NUBPL: variants seen among roughly 807,000 people sequenced by gnomAD.
NUBPL encodes the protein NUBP iron-sulfur cluster assembly factor, mitochondrial.
NUBPL carries 31 observed loss-of-function variants against 45.7 expected under a neutral mutation model. The observed-to-expected ratio is 0.68, with a 90% CI of 0.51 to 0.92. The LOEUF is 0.92. Among genes scored for constraint, NUBPL ranks in the 40% least tolerant of loss-of-function variants. The pLI, the probability that NUBPL is intolerant of heterozygous loss-of-function variation, is 0.00. For missense variants in NUBPL, 401 were observed against 398.7 expected, an observed-to-expected ratio of 1.01 and a Z score of -0.05; for synonymous variants, 144 against 140.9, an observed-to-expected ratio of 1.02 and a Z score of -0.15.
chr14:31,769,150 A>T (rs1471288418), intron 6 of NUBPL, among the ~76,000 whole-genome samples: 1 of 152,198 alleles, frequency 6.6e-6, no homozygotes, highest in Non-Finnish European at 1.5e-5. Context: ...TATGGGCTAC[A>T]GTGTCCGGCG....
At chr14:31,587,864 A>G (rs2139515106) in intron 3 of NUBPL, among the ~76,000 whole-genome samples, 1 of 152,320 alleles carries the variant, frequency 6.6e-6, no homozygotes, top group African/African-American at 2.4e-5. Flanking sequence ...CACATTAAGG[A>G]TCATTTTGTT....
At chr14:31,775,637 G>T (rs905723740) in intron 6 of NUBPL, among the ~76,000 whole-genome samples, 1 of 152,124 alleles carries the variant, frequency 6.6e-6, no homozygotes, top group African/African-American at 2.4e-5. Context: ...TCATTATGCT[G>T]TCTATATCCT....
At chr14:31,666,366 A>G (rs551067024) in intron 4 of NUBPL, among the ~76,000 whole-genome samples, 3 of 151,144 alleles carry the variant, frequency 2.0e-5, no homozygotes, top group Non-Finnish European at 4.4e-5. Context: ...CCGGGTTCAA[A>G]CAATTCTTCT....
chr14:31,798,309 T>TC (rs1310122221), intron 7 of NUBPL, among the ~76,000 whole-genome samples: 5 of 150,200 alleles, frequency 3.3e-5, no homozygotes, highest in Non-Finnish European at 5.9e-5. Flanking sequence ...TATGGTTTTT[T>TC]TTTTTTTTTT....
chr14:31,583,229 C>A (rs1382732334), intron 3 of NUBPL, among the ~76,000 whole-genome samples: 2 of 152,120 alleles, frequency 1.3e-5, no homozygotes, highest in African/African-American at 4.8e-5. Context: ...ATTGCTGAGG[C>A]TCATGTAGCA....
rs979932612 is a variant in NUBPL at position 31,782,277 on chromosome 14, C to G, written c.514-5503C>G. 2.6e-5 allele frequency among the ~76,000 whole-genome samples: 4 copies of G among 152,092 alleles called. No homozygotes were observed. In the East Asian group the frequency reaches 7.7e-4, roughly 29 times the overall value. ...GGGCATGGTGGTGGGTGCCTGAAAT[C>G]TCAGCTACTCAGGAGGCTGAGACCG... is the stretch of plus-strand genomic sequence containing the variant. On this transcript the variant is annotated intron_variant, in intron 6 of 10. Transcript: ENST00000281081.
intron 3 of NUBPL, among the ~76,000 whole-genome samples, chr14:31,582,512 G>A (rs867954389): frequency 5.9e-5 from 9 of 151,970 alleles, no homozygotes; most frequent in African/African-American, 2.2e-4. Context: ...GGGGGTGGAG[G>A]AAATATTTGG....
intron 4 of NUBPL, among the ~76,000 whole-genome samples, chr14:31,650,414 G>A (rs926122114): frequency 2.0e-5 from 3 of 150,784 alleles, no homozygotes; most frequent in Non-Finnish European, 3.0e-5. Flanking sequence ...CTCAGCCTCC[G>A]AGGTAGCTGG....
intron 8 of NUBPL, chr14:31,844,109 A>G (rs959837060): frequency 1.3e-5 from 2 of 152,240 alleles, no homozygotes; most frequent in African/African-American, 2.4e-5. Context: ...TATACAGTCC[A>G]TAGAGAATGA....
chr14:31,720,254 A>C (rs923526831), intron 6 of NUBPL, among the ~76,000 whole-genome samples: 5 of 152,176 alleles, frequency 3.3e-5, no homozygotes, highest in Non-Finnish European at 7.3e-5. Flanking sequence ...TTCGTCATCT[A>C]ACTTGGAGTA....
At chr14:31,660,048 C>CCATA (rs2036231723) in intron 4 of NUBPL, among the ~76,000 whole-genome samples, 1 of 152,104 alleles carries the variant, frequency 6.6e-6, no homozygotes, top group Non-Finnish European at 1.5e-5. Flanking sequence ...GTAATAGAAG[C>CCATA]CATAACATTA....
chr14:31,807,573 G>T (rs1034591882), intron 7 of NUBPL, among the ~76,000 whole-genome samples: 2 of 152,122 alleles, frequency 1.3e-5, no homozygotes, highest in Admixed American at 6.5e-5. Flanking sequence ...TCTGTAGGTT[G>T]CCTGTTCACT....
intron 6 of NUBPL, among the ~76,000 whole-genome samples, chr14:31,716,541 C>T (rs2037692595): frequency 6.6e-6 from 1 of 152,176 alleles, no homozygotes; most frequent in African/African-American, 2.4e-5. Context: ...TCTTAAGGGA[C>T]CATTGCCTAT....
At chr14:31,579,300 G>T (rs557147935) in intron 3 of NUBPL, among the ~76,000 whole-genome samples, 1 of 152,266 alleles carries the variant, frequency 6.6e-6, no homozygotes, top group East Asian at 1.9e-4. Context: ...CTTTAAAAAT[G>T]ATTAAAAATA....
chr14:31,646,779 T>A (rs187945677), intron 4 of NUBPL, among the ~76,000 whole-genome samples: 93 of 152,120 alleles, frequency 6.1e-4, no homozygotes, highest in Non-Finnish European at 9.1e-4. Context: ...TTTAATTTTT[T>A]AAAAAAATAA....
intron 7 of NUBPL, among the ~76,000 whole-genome samples, chr14:31,814,287 A>G (rs780673880): frequency 2.6e-5 from 4 of 152,156 alleles, no homozygotes; most frequent in Non-Finnish European, 4.4e-5. Context: ...ATGACCAGTG[A>G]TGTTGAGCTT....
At chr14:31,704,106 G>T (rs982121502) in intron 6 of NUBPL, among the ~76,000 whole-genome samples, 1 of 152,158 alleles carries the variant, frequency 6.6e-6, no homozygotes, top group African/African-American at 2.4e-5. Flanking sequence ...TTCTGTAACT[G>T]CTTTCTGCTG....
chr14:31,614,457 G>T (rs753206075), intron 4 of NUBPL, among the ~76,000 whole-genome samples: 3 of 152,048 alleles, frequency 2.0e-5, no homozygotes, highest in African/African-American at 7.2e-5. Flanking sequence ...GGGTGAAAAA[G>T]GTTATACACA....
At chr14:31,745,229 G>T (rs2038372347) in intron 6 of NUBPL, among the ~76,000 whole-genome samples, 1 of 151,904 alleles carries the variant, frequency 6.6e-6, no homozygotes, top group Admixed American at 6.6e-5. Context: ...AGGCCCTGGT[G>T]TGTGATGTTC....
Sources: gnomAD v4.1 joint callset for allele counts (sites outside exome capture counted in the v4.1 genomes callset) on GRCh38, gnomAD v4.1.1 for gene constraint, MANE v1.5 for transcripts, NCBI Gene and HGNC (gene_info 2026-07-23, HGNC 2026-07-21) for gene names.